The following NTRK2 variants were observed in gnomAD, a reference collection of about 807,000 sequenced individuals.
The protein encoded by NTRK2 is BDNF/NT-3 growth factors receptor.
A neutral mutation model predicts 94.5 loss-of-function variants in NTRK2; 13 were observed. That is an observed-to-expected ratio of 0.14 (90% CI 0.09 to 0.22). The LOEUF (loss-of-function observed/expected upper bound fraction) is 0.22, where lower values mean the gene tolerates loss of function less well. NTRK2 is among the 10% of genes least tolerant of loss of function. The pLI is 1.00. For missense variants in NTRK2, 639 were observed against 1,071.2 expected (o/e 0.60, Z 5.63); for synonymous variants, 372 against 407.4 (o/e 0.91, Z 1.05).
chr9:84,981,950 C>T (rs1222661932), intron 17 of NTRK2, among the ~76,000 whole-genome samples: 1 of 152,162 alleles, frequency 6.6e-6, no homozygotes, highest in African/African-American at 2.4e-5. Flanking sequence ...ATTAGTATCA[C>T]GTGGAAGAAC....
At chr9:84,919,393 T>C (rs542572440) in intron 14 of NTRK2, among the ~76,000 whole-genome samples, 1 of 152,340 alleles carries the variant, frequency 6.6e-6, no homozygotes, top group African/African-American at 2.4e-5. Flanking sequence ...GCTTTCTTGA[T>C]TCTTAGTCTC....
At chr9:84,797,777 A>ATATATTATATACTATAATAATATATATAT (rs1564298972) in intron 12 of NTRK2, among the ~76,000 whole-genome samples, 12 of 4,724 alleles carry the variant, frequency 2.5e-3, no homozygotes, top group African/African-American at 8.1e-3. Flanking sequence ...AATATATATA[A>ATATATTATATACTATAATAATATATATAT]TATATATTAT....
At chr9:84,789,562 T>G (rs2068508703) in intron 12 of NTRK2, among the ~76,000 whole-genome samples, 3 of 152,212 alleles carry the variant, frequency 2.0e-5, no homozygotes, top group Non-Finnish European at 4.4e-5. Flanking sequence ...CTAGGACAGC[T>G]TCCTTGGGGA....
intron 9 of NTRK2, among the ~76,000 whole-genome samples, chr9:84,738,564 G>A (rs1018856069): frequency 2.0e-5 from 3 of 152,228 alleles, no homozygotes; most frequent in South Asian, 2.1e-4. Flanking sequence ...CTGTTGGAGT[G>A]TAAATATCAT....
In NTRK2 at chr9:85,014,560, G is replaced by A. The variant is rs529713433; in HGVS notation, c.2173-5646G>A. Among the ~76,000 whole-genome samples the A allele has an allele frequency of 6.5e-3, 987 of 152,142 alleles. 15 individuals are homozygous for A. The highest frequency in any genetic ancestry group is 0.023 in the African/African-American group (950 of 41,494). Reference sequence around the variant, plus strand: ...TCCAATTTCAAAAAATAAATTGTTCGTTAGCCACAAACAACTGAAATTTTT... The same window carrying A: ...TCCAATTTCAAAAAATAAATTGTTCATTAGCCACAAACAACTGAAATTTTT... On this transcript the variant is annotated intron_variant, in intron 17 of 18. Coordinates refer to ENST00000277120, the MANE Select transcript of NTRK2 (RefSeq NM_006180.6).
At chr9:84,905,517 A>T (rs2077047972) in intron 14 of NTRK2, among the ~76,000 whole-genome samples, 1 of 152,224 alleles carries the variant, frequency 6.6e-6, no homozygotes, top group African/African-American at 2.4e-5. Flanking sequence ...TGGGTCACAA[A>T]CAATCAATAT....
intron 12 of NTRK2, among the ~76,000 whole-genome samples, chr9:84,786,387 G>T (rs534289307): frequency 6.6e-6 from 1 of 152,132 alleles, no homozygotes; most frequent in African/African-American, 2.4e-5. Flanking sequence ...CTGTGTGTAG[G>T]GGGTGAGTGG....
Position 84,901,201 on chromosome 9 carries a change from T to TTTATTTTATTTTATA in NTRK2, c.1634-32959_1634-32958insATTTTATTTTATATT, listed in dbSNP as rs1167007717. Among the ~76,000 whole-genome samples, 14 of 145,906 alleles carry TTTATTTTATTTTATA rather than the reference T, an allele frequency of 9.6e-5. No homozygotes were observed. The East Asian group carries it at 2.8e-3, about 29-fold the overall frequency. On this transcript the variant is annotated intron_variant, in intron 14 of 18. Coordinates refer to ENST00000277120, the MANE Select transcript of NTRK2 (RefSeq NM_006180.6). ...TTTATTTTGTTTTGTTTTGTTTTGT[T>TTTATTTTATTTTATA]TTGTTTTATTTTATTTTATTTTATT... is the stretch of plus-strand genomic sequence containing the variant.
intron 12 of NTRK2, among the ~76,000 whole-genome samples, chr9:84,842,873 T>C (rs1344118151): frequency 1.3e-5 from 2 of 152,168 alleles, no homozygotes; most frequent in Non-Finnish European, 2.9e-5. Context: ...TTTCCAGAAG[T>C]TTATGAATGA....
intron 12 of NTRK2, among the ~76,000 whole-genome samples, chr9:84,758,738 T>C (rs1013932660): frequency 2.0e-4 from 31 of 152,318 alleles, no homozygotes; most frequent in African/African-American, 7.2e-4. Flanking sequence ...GTCCTCTCTT[T>C]TTCAGAGACG....
chr9:84,797,684 TATAATATATATATTATATATACTATA>T (rs1278065082), intron 12 of NTRK2, among the ~76,000 whole-genome samples: 1 of 80,898 alleles, frequency 1.2e-5, no homozygotes, highest in Admixed American at 2.2e-4. Flanking sequence ...TTATATATAC[TATAATATATATATTATATATACTATA>T]ATAATATATA....
At chr9:84,915,173 T>C (rs2077358866) in intron 14 of NTRK2, among the ~76,000 whole-genome samples, 1 of 152,178 alleles carries the variant, frequency 6.6e-6, no homozygotes, top group Non-Finnish European at 1.5e-5. Context: ...GCTCACTGCC[T>C]GCTGTGCGGC....
intron 12 of NTRK2, among the ~76,000 whole-genome samples, chr9:84,799,528 T>A (rs1367490466): frequency 1.3e-5 from 2 of 152,210 alleles, no homozygotes; most frequent in African/African-American, 4.8e-5. Context: ...TAGATAATCA[T>A]CTGTTATTTT....
Position 84,798,201 on chromosome 9 carries a change from T to A in NTRK2, c.1396+46116T>A, listed in dbSNP as rs1363291241. 2.6e-5 allele frequency among the ~76,000 whole-genome samples: 4 copies of A among 151,840 alleles called. No homozygotes were observed. In the East Asian group the frequency reaches 7.7e-4, roughly 29 times the overall value. Reference sequence around the variant, plus strand: ...CATCTGGTGGAAGGAGCGCATGAGCTCCCTTGGGCCTCTTTTGTGAGGACA... The same window carrying A: ...CATCTGGTGGAAGGAGCGCATGAGCACCCTTGGGCCTCTTTTGTGAGGACA... On this transcript the variant is annotated intron_variant, in intron 12 of 18. Transcript: ENST00000277120.
At chr9:84,888,651 T>C (rs1005792717) in intron 14 of NTRK2, among the ~76,000 whole-genome samples, 1 of 69,964 alleles carries the variant, frequency 1.4e-5, no homozygotes, top group East Asian at 5.6e-4. Context: ...AAAAAAAAAG[T>C]GGCAGAGAAG....
chr9:84,802,499 T>C (rs1296750714), intron 12 of NTRK2, among the ~76,000 whole-genome samples: 3 of 152,162 alleles, frequency 2.0e-5, no homozygotes, highest in Admixed American at 6.5e-5. Context: ...CTGTAAGACA[T>C]TGTTGAGCAT....
intron 17 of NTRK2, among the ~76,000 whole-genome samples, chr9:84,999,307 T>A (rs1188010611): frequency 1.3e-5 from 2 of 152,196 alleles, no homozygotes; most frequent in Non-Finnish European, 2.9e-5. Flanking sequence ...CTCCTTCCCA[T>A]CAGTAAGTTA....
In NTRK2 at chr9:84,887,142, AG is replaced by A. The variant is rs200821785; in HGVS notation, c.1633+19712del. Among the ~76,000 whole-genome samples, 709 of 152,352 alleles carry A rather than the reference AG, an allele frequency of 4.7e-3. 13 individuals carry two copies. The highest frequency in any genetic ancestry group is 0.038 in the Admixed American group (575 of 15,292). On this transcript the variant is annotated intron_variant, in intron 14 of 18. Coordinates refer to ENST00000277120, the MANE Select transcript of NTRK2 (RefSeq NM_006180.6). ...AAGTATGTGGTTCATCCGAAAAAAA[AG>A]AAATCAATGATTTGTGGCAGTTCTT... is the stretch of plus-strand genomic sequence containing the variant.
At chr9:84,772,392 A>AT (rs2066642981) in intron 12 of NTRK2, among the ~76,000 whole-genome samples, 1 of 152,108 alleles carries the variant, frequency 6.6e-6, no homozygotes, top group Non-Finnish European at 1.5e-5. Flanking sequence ...TGTAGCTGGG[A>AT]TTACAGGCAT....
Sources: gnomAD v4.1 joint callset for allele counts (sites outside exome capture counted in the v4.1 genomes callset) on GRCh38, gnomAD v4.1.1 for gene constraint, MANE v1.5 for transcripts, NCBI Gene and HGNC (gene_info 2026-07-23, HGNC 2026-07-21) for gene names.